The following ADCY2 variants were observed in gnomAD, a reference collection of about 807,000 sequenced individuals.
The protein encoded by ADCY2 is adenylate cyclase type 2.
In ADCY2, 31 loss-of-function variants were observed where a neutral mutation model predicts 125.2. The observed-to-expected ratio is 0.25, with a 90% CI of 0.19 to 0.33. The LOEUF (loss-of-function observed/expected upper bound fraction) is 0.33, where lower values mean the gene tolerates loss of function less well. Among genes scored for constraint, ADCY2 ranks in the 10% least tolerant of loss-of-function variants. ADCY2 has a pLI of 1.00. For missense variants in ADCY2, 904 were observed against 1,418.2 expected (o/e 0.64, Z 5.82); for synonymous variants, 512 against 548.4 (o/e 0.93, Z 0.93).
At chr5:7,630,576 A>T (rs2126662803) in intron 4 of ADCY2, among the ~76,000 whole-genome samples, 1 of 152,274 alleles carries the variant, frequency 6.6e-6, no homozygotes. Context: ...TTCAGAGGTT[A>T]CAAGTCCAAA....
intron 2 of ADCY2, among the ~76,000 whole-genome samples, chr5:7,484,178 T>C (rs901028198): frequency 6.6e-6 from 1 of 152,200 alleles, no homozygotes; most frequent in Non-Finnish European, 1.5e-5. Context: ...ATTCTACTTA[T>C]ATACTACGGA....
At position 7,417,113 on chromosome 5, in the gene ADCY2, C is replaced by T. The variant is rs1230923825; in HGVS notation, c.408+2343C>T. On this transcript the variant is annotated intron_variant, in intron 2 of 24. Transcript: ENST00000338316. ...CCAGAAATATGCTCTTTTTGTGTTT[C>T]GTCTTTTCATCAAATGGCATGGCAT... Among the ~76,000 whole-genome samples, 3 of 152,062 alleles carry T rather than the reference C, an allele frequency of 2.0e-5. No homozygotes were observed. In the South Asian group the frequency reaches 6.2e-4, roughly 32 times the overall value.
chr5:7,467,420 T>G (rs1208734403), intron 2 of ADCY2, among the ~76,000 whole-genome samples: 1 of 152,312 alleles, frequency 6.6e-6, no homozygotes, highest in East Asian at 1.9e-4. Flanking sequence ...GTGATTACTG[T>G]CAGCATTGAC....
intron 15 of ADCY2, among the ~76,000 whole-genome samples, chr5:7,744,101 G>A (rs2126434518): frequency 6.6e-6 from 1 of 152,204 alleles, no homozygotes; most frequent in South Asian, 2.1e-4. Flanking sequence ...GTGTACAGGA[G>A]GATTAAAACT....
chr5:7,593,023 TTTGGCACCAAACC>T (rs1450165193), intron 3 of ADCY2, among the ~76,000 whole-genome samples: 1 of 152,182 alleles, frequency 6.6e-6, no homozygotes. Context: ...GGTAGATATT[TTTGGCACCAAACC>T]TTGTATATCT....
chr5:7,486,390 G>A (rs1742928686), intron 2 of ADCY2, among the ~76,000 whole-genome samples: 1 of 152,162 alleles, frequency 6.6e-6, no homozygotes, highest in Non-Finnish European at 1.5e-5. Flanking sequence ...CTGATACTTG[G>A]TTTATAAACT....
chr5:7,465,020 G>A lies in ADCY2; in HGVS notation c.408+50250G>A, dbSNP rs551296816. Among the ~76,000 whole-genome samples the A allele has an allele frequency of 3.5e-3, 527 of 152,250 alleles. 4 individuals are homozygous for A. The highest frequency in any genetic ancestry group is 3.6e-3 in the Non-Finnish European group (242 of 68,022). On this transcript the variant is annotated intron_variant, in intron 2 of 24. Transcript: ENST00000338316. ...AGGCAAGAGAGAATGAGCGCCAAGTGAAAGGGGTTTCCCCTTATAAAACCA... is the reference window on the plus strand; with the variant it reads ...AGGCAAGAGAGAATGAGCGCCAAGTAAAAGGGGTTTCCCCTTATAAAACCA...
intron 1 of ADCY2, among the ~76,000 whole-genome samples, chr5:7,403,762 A>G (rs867083023): frequency 2.6e-4 from 39 of 152,344 alleles, no homozygotes; most frequent in Middle Eastern, 3.4e-3. Flanking sequence ...TGTTATAGAA[A>G]TTGAGATTCA....
chr5:7,612,070 C>T (rs897128133), intron 3 of ADCY2, among the ~76,000 whole-genome samples: 4 of 152,050 alleles, frequency 2.6e-5, no homozygotes, highest in African/African-American at 9.7e-5. Flanking sequence ...CTTAATCGAA[C>T]GTTTTCTTTT....
chr5:7,784,385 T>G lies in ADCY2; in HGVS notation c.2405T>G (p.Leu802Arg). The change falls in exon 19 of 25, where the codon CTG becomes CGG. Residue 802 changes from leucine to arginine, a missense_variant. Leu to Arg is a moderately radical substitution (Grantham distance 102, BLOSUM62 -2). Around this residue, in one of 7 missense-constraint regions of ADCY2, gnomAD observed 181 missense variants for 381.6 expected, o/e 0.47. Transcript: ENST00000338316. ...AATAGACCAGGCATTTGGAAAGACCTGAAGACCATGGGCTCTGTGTCTCTC... is the reference window on the plus strand; with the variant it reads ...AATAGACCAGGCATTTGGAAAGACCGGAAGACCATGGGCTCTGTGTCTCTC... ...LFERPGIWKD[L>R]KTMGSVSLSI... 1 of 1,614,012 alleles carries G rather than the reference T, an allele frequency of 6.2e-7. No individual in the cohort carries two copies. The highest frequency in any genetic ancestry group is 8.5e-7 in the Non-Finnish European group (1 of 1,179,918).
intron 4 of ADCY2, among the ~76,000 whole-genome samples, chr5:7,655,252 T>A (rs1217376968): frequency 1.3e-5 from 2 of 152,210 alleles, no homozygotes; most frequent in Admixed American, 1.3e-4. Context: ...AGTGTCTGAA[T>A]GTTTTTAGGA....
At chr5:7,515,078 T>C (rs2126524834) in intron 2 of ADCY2, among the ~76,000 whole-genome samples, 1 of 152,338 alleles carries the variant, frequency 6.6e-6, no homozygotes, top group African/African-American at 2.4e-5. Flanking sequence ...AGCCTGCCTT[T>C]GAAGAGATGG....
At chr5:7,677,696 A>G (rs1036857298) in intron 4 of ADCY2, among the ~76,000 whole-genome samples, 4 of 152,158 alleles carry the variant, frequency 2.6e-5, no homozygotes, top group Non-Finnish European at 4.4e-5. Context: ...GCCGAGCACA[A>G]TCATGGGATT....
At chr5:7,443,639 CAAAAAAAAAAAAAAA>C (rs56089574) in intron 2 of ADCY2, among the ~76,000 whole-genome samples, 1 of 51,198 alleles carries the variant, frequency 2.0e-5, no homozygotes, top group Non-Finnish European at 3.1e-5. Context: ...GACTCTGTCT[CAAAAAAAAAAAAAAA>C]AAAAAAAAAA....
intron 4 of ADCY2, among the ~76,000 whole-genome samples, chr5:7,658,478 T>G (rs1358356863): frequency 6.6e-6 from 1 of 151,114 alleles, no homozygotes; most frequent in Non-Finnish European, 1.5e-5. Context: ...CTGCCCAAGC[T>G]GGAGTGCAGT....
intron 3 of ADCY2, among the ~76,000 whole-genome samples, chr5:7,609,521 G>C (rs954915115): frequency 2.0e-5 from 3 of 152,108 alleles, no homozygotes; most frequent in African/African-American, 7.2e-5. Flanking sequence ...GTGTATGTGG[G>C]ATTTTATTTA....
intron 18 of ADCY2, among the ~76,000 whole-genome samples, chr5:7,782,905 A>T (rs1743962172): frequency 2.0e-5 from 3 of 152,230 alleles, no homozygotes; most frequent in African/African-American, 7.2e-5. Flanking sequence ...ATAAAATCAA[A>T]GCCAGTGAAA....
rs1741388231 is a variant in ADCY2 at position 7,709,956 on chromosome 5, A to G, written c.1578+569A>G. ...TAGAAAGGCCCATAGGAGGAGAGAA[A>G]AGTAAATACAACCAAGCACTTAGGA... On this transcript the variant is annotated intron_variant, in intron 10 of 24. Coordinates refer to ENST00000338316, the MANE Select transcript of ADCY2 (RefSeq NM_020546.3). The surrounding 1 kb of genome is among the most constrained non-coding windows in gnomAD (Gnocchi z 4.4). Among the ~76,000 whole-genome samples the G allele has an allele frequency of 6.6e-6, 1 of 152,232 alleles. No homozygotes were observed. The highest frequency in any genetic ancestry group is 2.4e-5 in the African/African-American group (1 of 41,462).
At position 7,439,124 on chromosome 5, in the gene ADCY2, C is replaced by T. The variant is rs114554403; in HGVS notation, c.408+24354C>T. Among the ~76,000 whole-genome samples, 43 of 152,244 alleles carry T rather than the reference C, an allele frequency of 2.8e-4. No individual in the cohort carries two copies. In the South Asian group the frequency reaches 5.2e-3, roughly 18 times the overall value. On this transcript the variant is annotated intron_variant, in intron 2 of 24. Transcript: ENST00000338316. ...CATTGCCATGAGGTAGACTTTCTTA[C>T]GTATGATCTTTTATTTTTAGAAAAT... is the stretch of plus-strand genomic sequence containing the variant.
Sources: gnomAD v4.1 joint callset for allele counts (sites outside exome capture counted in the v4.1 genomes callset) on GRCh38, gnomAD v4.1.1 for gene constraint, gnomAD v4.1.1 regional missense constraint, Gnocchi (gnomAD v3.1) non-coding constraint, MANE v1.5 for transcripts, NCBI Gene and HGNC (gene_info 2026-07-23, HGNC 2026-07-21) for gene names.